The following EDA variants were observed in gnomAD, a reference collection of about 807,000 sequenced individuals.
EDA encodes the protein ectodysplasin-A.
EDA carries 2 observed loss-of-function variants against 23.6 expected under a neutral mutation model. That is an observed-to-expected ratio of 0.08 (90% confidence interval 0.03 to 0.27). The LOEUF (loss-of-function observed/expected upper bound fraction) is 0.27, where lower values mean the gene tolerates loss of function less well. Ranked by LOEUF, EDA falls within the 10% of genes least tolerant of loss-of-function variation. The pLI, the probability that EDA is intolerant of heterozygous loss-of-function variation, is 1.00. For missense variants in EDA, 229 were observed against 324.2 expected (o/e 0.71, Z 2.26); for synonymous variants, 131 against 132.0 (o/e 0.99, Z 0.05).
intron 1 of EDA, chrX:69,937,403 G>A: frequency 1.4e-6 from 1 of 701,623 alleles, no homozygotes; most frequent in Non-Finnish European, 2.3e-6. Flanking sequence ...ATCCATCTTT[G>A]AGATGTTTGC....
intron 1 of EDA, among the ~76,000 whole-genome samples, chrX:69,886,625 C>T (rs1037017627): frequency 9.0e-6 from 1 of 111,063 alleles, no homozygotes; most frequent in Non-Finnish European, 1.9e-5. Flanking sequence ...AACAGGCCTG[C>T]CATCTGTGGG....
At chrX:69,640,529 T>C (rs1569279954) in intron 1 of EDA, among the ~76,000 whole-genome samples, 1 of 111,026 alleles carries the variant, frequency 9.0e-6, no homozygotes, top group African/African-American at 3.3e-5. Flanking sequence ...TTACCTTGAA[T>C]TGAGTGGCCC....
chrX:69,618,637 C>G (rs1932067792), intron 1 of EDA, among the ~76,000 whole-genome samples: 1 of 111,399 alleles, frequency 9.0e-6, no homozygotes, highest in Non-Finnish European at 1.9e-5. Context: ...GTTGGGTGCC[C>G]ATTCCCCCAA....
At chrX:69,952,786 G>A (rs916635780) in intron 1 of EDA, among the ~76,000 whole-genome samples, 1 of 111,292 alleles carries the variant, frequency 9.0e-6, no homozygotes, top group Non-Finnish European at 1.9e-5. Flanking sequence ...GCTCCTATTA[G>A]ACCCTTAGAA....
intron 1 of EDA, among the ~76,000 whole-genome samples, chrX:69,867,400 T>G (rs919547907): frequency 8.9e-6 from 1 of 111,956 alleles, no homozygotes; most frequent in Non-Finnish European, 1.9e-5. Context: ...CTCAGAGAGG[T>G]TCATTCGCCT....
intron 1 of EDA, among the ~76,000 whole-genome samples, chrX:69,673,558 T>A (rs1161790322): frequency 2.0e-5 from 2 of 98,407 alleles, no homozygotes; most frequent in Non-Finnish European, 4.0e-5. Flanking sequence ...CAAAAATACA[T>A]CCTACACCCA....
At chrX:69,783,193 G>A (rs190615977) in intron 1 of EDA, among the ~76,000 whole-genome samples, 1,168 of 111,592 alleles carry the variant, frequency 0.01, 14 homozygotes, top group Non-Finnish European at 0.015. Context: ...AATAGTTCTC[G>A]CTGGATTAAA....
intron 1 of EDA, among the ~76,000 whole-genome samples, chrX:69,906,317 A>G: frequency 8.9e-6 from 1 of 112,530 alleles, no homozygotes; most frequent in East Asian, 2.8e-4. Flanking sequence ...TTACATTTGC[A>G]TAATAAGGGC....
chrX:69,988,791 G>A lies in EDA; in HGVS notation c.502+31659G>A, dbSNP rs776099217. 1.1e-4 allele frequency among the ~76,000 whole-genome samples: 12 copies of A among 111,113 alleles called. No individual in the cohort carries two copies. The South Asian group carries it at 1.2e-3, about 11-fold the overall frequency. ...GAATTGCTTGAACCCGGGAGGTGGC[G>A]GTTGCAGTGAGCCAAGATTGCGCCA... On this transcript the variant is annotated intron_variant, in intron 2 of 7. Coordinates refer to ENST00000374552, the MANE Select transcript of EDA (RefSeq NM_001399.5).
intron 1 of EDA, among the ~76,000 whole-genome samples, chrX:69,784,773 G>A (rs1170573840): frequency 9.5e-5 from 10 of 104,973 alleles, no homozygotes; most frequent in Middle Eastern, 4.8e-3. Flanking sequence ...TTGGCAATGC[G>A]GGCTCTTTTT....
chrX:69,631,410 T>C (rs1353004200), intron 1 of EDA, among the ~76,000 whole-genome samples: 4 of 105,263 alleles, frequency 3.8e-5, no homozygotes, highest in African/African-American at 1.4e-4. Context: ...GAATTCCTGA[T>C]GCTTTTTTTT....
chrX:69,808,601 G>A (rs1569339186), intron 1 of EDA, among the ~76,000 whole-genome samples: 1 of 111,448 alleles, frequency 9.0e-6, no homozygotes, highest in Admixed American at 9.5e-5. Flanking sequence ...TCTCAGGTTT[G>A]TAATGTCATA....
intron 1 of EDA, among the ~76,000 whole-genome samples, chrX:69,803,672 T>G (rs1426536914): frequency 3.6e-5 from 4 of 111,080 alleles, no homozygotes; most frequent in Non-Finnish European, 5.7e-5. Flanking sequence ...TTGGAAGCAT[T>G]CAGTAGCCTC....
intron 2 of EDA, among the ~76,000 whole-genome samples, chrX:69,991,929 T>C (rs182392182): frequency 9.0e-6 from 1 of 111,689 alleles, no homozygotes; most frequent in Non-Finnish European, 1.9e-5. Context: ...GCAAGAGAAG[T>C]GCCTGCCACC....
intron 1 of EDA, among the ~76,000 whole-genome samples, chrX:69,912,403 C>G (rs2018279286): frequency 9.0e-6 from 1 of 111,586 alleles, no homozygotes; most frequent in Non-Finnish European, 1.9e-5. Context: ...CTTACTCTGC[C>G]CCAATACATC....
At chrX:69,947,929 A>G (rs1014543707) in intron 1 of EDA, among the ~76,000 whole-genome samples, 2 of 112,101 alleles carry the variant, frequency 1.8e-5, no homozygotes, top group African/African-American at 6.5e-5. Context: ...CCCCCTTTGC[A>G]TTAATAGTTT....
chrX:69,836,930 T>C (rs775825160), intron 1 of EDA, among the ~76,000 whole-genome samples: 1 of 112,722 alleles, frequency 8.9e-6, no homozygotes, highest in African/African-American at 3.2e-5. Context: ...ACTAGTGTTT[T>C]GGAGAGCACA....
intron 2 of EDA, among the ~76,000 whole-genome samples, chrX:69,971,601 A>T (rs1276088530): frequency 9.0e-6 from 1 of 111,666 alleles, no homozygotes; most frequent in Non-Finnish European, 1.9e-5. Context: ...TCCTTCCAAG[A>T]TCCAGCTGTA....
At chrX:69,631,800 G>A (rs768814447) in intron 1 of EDA, among the ~76,000 whole-genome samples, 1 of 111,073 alleles carries the variant, frequency 9.0e-6, no homozygotes, top group Non-Finnish European at 1.9e-5. Flanking sequence ...ACCTGGCATT[G>A]TAGGAGACAG....
Sources: gnomAD v4.1 joint callset for allele counts (sites outside exome capture counted in the v4.1 genomes callset) on GRCh38, gnomAD v4.1.1 for gene constraint, MANE v1.5 for transcripts, NCBI Gene and HGNC (gene_info 2026-07-23, HGNC 2026-07-21) for gene names.